The following CLDN14 variants were observed in gnomAD, a reference collection of about 807,000 sequenced individuals.
The protein encoded by CLDN14 is claudin 14, also known as claudin-14.
A neutral mutation model predicts 2.1 loss-of-function variants in CLDN14; 2 were observed. The observed-to-expected ratio is 0.96, with a 90% CI of 0.39 to 3.01. CLDN14 has a LOEUF of 3.01. CLDN14 is among the 30% of genes most tolerant of loss of function. The pLI, the probability that CLDN14 is intolerant of heterozygous loss-of-function variation, is 0.09. For missense variants in CLDN14, 298 were observed against 328.0 expected, an observed-to-expected ratio of 0.91 and a Z score of 0.71; for synonymous variants, 136 against 154.4, an observed-to-expected ratio of 0.88 and a Z score of 0.88.
At chr21:36,569,188 C>T (rs2087692139) in intron 1 of CLDN14, among the ~76,000 whole-genome samples, 1 of 152,244 alleles carries the variant, frequency 6.6e-6, no homozygotes, top group Non-Finnish European at 1.5e-5. Flanking sequence ...GAGGCTGAGG[C>T]AGGCAGATCA....
intron 1 of CLDN14, among the ~76,000 whole-genome samples, chr21:36,541,286 C>T (rs913429397): frequency 6.6e-6 from 1 of 152,146 alleles, no homozygotes; most frequent in Admixed American, 6.5e-5. Flanking sequence ...TTTACCTTGA[C>T]ATATTTTTAA....
At chr21:36,525,174 C>T (rs534756343) in intron 1 of CLDN14, among the ~76,000 whole-genome samples, 45 of 152,036 alleles carry the variant, frequency 3.0e-4, no homozygotes, top group Non-Finnish European at 5.4e-4. Context: ...CCTGTGACCT[C>T]GAGAGAAGGA....
At chr21:36,557,733 G>A (rs1048915089) in intron 1 of CLDN14, among the ~76,000 whole-genome samples, 5 of 152,096 alleles carry the variant, frequency 3.3e-5, no homozygotes, top group South Asian at 2.1e-4. Flanking sequence ...CATTCTCTAC[G>A]TTATCTTTTT....
intron 1 of CLDN14, among the ~76,000 whole-genome samples, chr21:36,476,039 A>G (rs1159786656): frequency 2.0e-5 from 3 of 152,170 alleles, no homozygotes; most frequent in African/African-American, 7.2e-5. Flanking sequence ...ACAGAGAGTC[A>G]TAGTTCAGAT....
Position 36,548,491 on chromosome 21 carries a change from T to G in CLDN14, c.-220+27920A>C, listed in dbSNP as rs533312352. On this transcript the variant is annotated intron_variant, in intron 1 of 2. Transcript: ENST00000342108. Reference sequence around the variant, plus strand: ...AATACGCAGCTCATCGAGGGAATCCTGGAAGAGCAGCCAAGCTCAGGGGAG... The same window carrying G: ...AATACGCAGCTCATCGAGGGAATCCGGGAAGAGCAGCCAAGCTCAGGGGAG... 8.5e-5 allele frequency among the ~76,000 whole-genome samples: 13 copies of G among 152,332 alleles called. No homozygotes were observed. In the South Asian group the frequency reaches 2.5e-3, roughly 29 times the overall value.
At chr21:36,508,497 A>C (rs2087153886) in intron 2 of CLDN14, among the ~76,000 whole-genome samples, 1 of 152,216 alleles carries the variant, frequency 6.6e-6, no homozygotes, top group Non-Finnish European at 1.5e-5. Flanking sequence ...AATTAAGCTT[A>C]TAAAGACCCA....
intron 1 of CLDN14, among the ~76,000 whole-genome samples, chr21:36,564,698 G>A (rs142703537): frequency 6.5e-4 from 99 of 152,348 alleles, no homozygotes; most frequent in African/African-American, 2.2e-3. Context: ...TTACATGCAA[G>A]GGCAGTGAAG....
chr21:36,532,839 C>G (rs1031105651), intron 1 of CLDN14, among the ~76,000 whole-genome samples: 5 of 152,140 alleles, frequency 3.3e-5, no homozygotes, highest in African/African-American at 1.2e-4. Context: ...CCTGACCCCC[C>G]ATCCCTTTAA....
rs139075478 is a variant in CLDN14 at position 36,523,127 on chromosome 21, G to T, written c.-219-12627C>A. 5.3e-5 allele frequency among the ~76,000 whole-genome samples: 8 copies of T among 152,304 alleles called. No individual in the cohort carries two copies. In the East Asian group the frequency reaches 1.5e-3, roughly 29 times the overall value. ...CCAGTGTCAGGGAGCAAGCTTGATTGTCTGCGCCCAGGAGTCCCAGACTTG... is the reference window on the plus strand; with the variant it reads ...CCAGTGTCAGGGAGCAAGCTTGATTTTCTGCGCCCAGGAGTCCCAGACTTG... On this transcript the variant is annotated intron_variant, in intron 1 of 2. Coordinates refer to the CLDN14 transcript ENST00000342108.
intron 1 of CLDN14, among the ~76,000 whole-genome samples, chr21:36,476,086 C>G (rs1042000013): frequency 6.6e-6 from 1 of 152,080 alleles, no homozygotes; most frequent in African/African-American, 2.4e-5. Context: ...AGTGCAGGCT[C>G]TCTTTGGGAT....
At position 36,498,323 on chromosome 21, in the gene CLDN14, G is replaced by C. The variant is rs1340341256; in HGVS notation, c.-82+12040C>G. ...GACAGGAAGATGCGTTTGTGAGCCG[G>C]GACAATTGTGAGTGGAAAGAGAAGA... On this transcript the variant is annotated intron_variant, in intron 2 of 2. Coordinates refer to the CLDN14 transcript ENST00000342108. This position sits in a 1 kb window ranked among gnomAD's most constrained non-coding sequence, Gnocchi z 4.9. Among the ~76,000 whole-genome samples, 2 of 151,966 alleles carry C rather than the reference G, an allele frequency of 1.3e-5. No homozygotes were observed. Among genetic ancestry groups the C allele is most frequent in the Non-Finnish European group, 1.5e-5 (1 of 67,982 alleles).
chr21:36,476,351 G>T lies in CLDN14; in HGVS notation c.-82+3144C>A, dbSNP rs1217192952. On this transcript the variant is annotated intron_variant, in intron 1 of 1. Transcript: ENST00000399135. Reference sequence around the variant, plus strand: ...ACGGAAGCCTGTTCTTACAACCTGGGTCCTCTTCCTGGGACCCCAGCCCAC... The same window carrying T: ...ACGGAAGCCTGTTCTTACAACCTGGTTCCTCTTCCTGGGACCCCAGCCCAC... Among the ~76,000 whole-genome samples the T allele has an allele frequency of 2.0e-5, 3 of 152,148 alleles. No homozygotes were observed. The South Asian group carries it at 6.2e-4, about 32-fold the overall frequency.
intron 1 of CLDN14, among the ~76,000 whole-genome samples, chr21:36,533,844 G>T (rs1403771844): frequency 6.6e-6 from 1 of 152,178 alleles, no homozygotes; most frequent in Non-Finnish European, 1.5e-5. Flanking sequence ...CTACCTGGGG[G>T]TGAAGGGTGG....
chr21:36,568,825 G>T (rs1326332338), intron 1 of CLDN14, among the ~76,000 whole-genome samples: 5 of 152,254 alleles, frequency 3.3e-5, no homozygotes, highest in Admixed American at 3.3e-4. Context: ...TCAGACTGGG[G>T]CTGTCAGTAT....
chr21:36,485,529 G>C (rs1033039683), intron 2 of CLDN14, among the ~76,000 whole-genome samples: 1 of 151,226 alleles, frequency 6.6e-6, no homozygotes, highest in African/African-American at 2.4e-5. Flanking sequence ...TTTTCGTTAG[G>C]ATCAGACGGA....
intron 2 of CLDN14, among the ~76,000 whole-genome samples, chr21:36,500,432 A>T (rs75266315): frequency 0.046 from 7,001 of 152,178 alleles, 318 homozygotes; most frequent in African/African-American, 0.11. Context: ...TCATTTTTTT[A>T]AAATTTTATT....
chr21:36,534,555 T>G (rs1440470849), intron 1 of CLDN14, among the ~76,000 whole-genome samples: 1 of 152,174 alleles, frequency 6.6e-6, no homozygotes, highest in Non-Finnish European at 1.5e-5. Flanking sequence ...GCCTTGTGTG[T>G]GGGGTGAGCG....
intron 1 of CLDN14, among the ~76,000 whole-genome samples, chr21:36,540,638 G>A (rs1010864498): frequency 4.6e-5 from 7 of 151,888 alleles, no homozygotes; most frequent in African/African-American, 9.7e-5. Context: ...TGTAGGTCAA[G>A]TGCTGAGAGA....
intron 2 of CLDN14, among the ~76,000 whole-genome samples, chr21:36,503,889 G>T (rs1287552759): frequency 6.6e-6 from 1 of 151,834 alleles, no homozygotes; most frequent in Admixed American, 6.6e-5. Context: ...ATATTACTGA[G>T]TTACTGAATG....
Sources: allele counts gnomAD v4.1 joint callset (sites outside exome capture counted in the v4.1 genomes callset), GRCh38; gene constraint gnomAD v4.1.1; non-coding constraint Gnocchi (gnomAD v3.1); transcripts MANE v1.5; gene names NCBI Gene and HGNC (gene_info 2026-07-23, HGNC 2026-07-21).